TM6SF1: variants seen among roughly 807,000 people sequenced by gnomAD.
TM6SF1 encodes the protein transmembrane 6 superfamily member 1.
A neutral mutation model predicts 47.1 loss-of-function variants in TM6SF1; 43 were observed. The ratio of observed to expected loss-of-function variants is 0.91; its 90% CI spans 0.72 to 1.18. The LOEUF (loss-of-function observed/expected upper bound fraction) is 1.18, where lower values mean the gene tolerates loss of function less well. Among genes scored for constraint, TM6SF1 ranks in the 50% most tolerant of loss-of-function variants. The pLI, the probability that TM6SF1 is intolerant of heterozygous loss-of-function variation, is 0.00. For synonymous variants in TM6SF1, 177 were observed against 166.3 expected, an observed-to-expected ratio of 1.06 and a Z score of -0.49; for missense variants, 390 against 449.0, an observed-to-expected ratio of 0.87 and a Z score of 1.19.
intron 1 of TM6SF1, among the ~76,000 whole-genome samples, chr15:83,111,912 A>AT (rs2034220415): frequency 6.6e-6 from 1 of 152,176 alleles, no homozygotes; most frequent in Admixed American, 6.5e-5. Context: ...TGCAGAATAC[A>AT]TTTTTTTGCT....
intron 7 of TM6SF1, among the ~76,000 whole-genome samples, chr15:83,126,244 C>A (rs1435070004): frequency 6.6e-6 from 1 of 152,100 alleles, no homozygotes; most frequent in African/African-American, 2.4e-5. Context: ...CAGAGGGGAC[C>A]TAGTAAAGTG....
chr15:83,112,135 G>A (rs191151150), intron 1 of TM6SF1, among the ~76,000 whole-genome samples: 28 of 152,250 alleles, frequency 1.8e-4, no homozygotes, highest in African/African-American at 6.7e-4. Flanking sequence ...TCCAGGGGAT[G>A]TACTCAACTA....
At chr15:83,127,147 T>C (rs893963698) in intron 8 of TM6SF1, among the ~76,000 whole-genome samples, 6 of 151,054 alleles carry the variant, frequency 4.0e-5, no homozygotes, top group Non-Finnish European at 7.4e-5. Context: ...TGAGCCGAGA[T>C]TGCGCCACTG....
intron 3 of TM6SF1, among the ~76,000 whole-genome samples, chr15:83,117,719 T>G: frequency 6.6e-6 from 1 of 151,986 alleles, no homozygotes; most frequent in Admixed American, 6.6e-5. Flanking sequence ...CCAGCTGTGA[T>G]AGAGAGGAGA....
intron 9 of TM6SF1, chr15:83,134,018 C>A (rs1381052538): frequency 6.6e-6 from 1 of 152,068 alleles, no homozygotes; most frequent in African/African-American, 2.4e-5. Context: ...AATTTTTGTG[C>A]CTTGTTTAAT....
At chr15:83,111,633 C>T (rs570908970) in intron 1 of TM6SF1, 84 of 985,352 alleles carry the variant, frequency 8.5e-5, no homozygotes, top group Admixed American at 1.8e-4. Flanking sequence ...GTGGAGGGGT[C>T]TCAGTTGAGG....
intron 1 of TM6SF1, among the ~76,000 whole-genome samples, chr15:83,109,083 G>GGCT (rs938449913): frequency 6.4e-4 from 97 of 152,376 alleles, no homozygotes; most frequent in African/African-American, 2.3e-3. Flanking sequence ...AGCCAGAAGA[G>GGCT]GCTGTGGAGG....
At chr15:83,116,040 G>T in intron 3 of TM6SF1, 98 bp downstream of exon 3, 1 of 940,052 alleles carries the variant, frequency 1.1e-6, no homozygotes, top group Admixed American at 2.0e-5. Context: ...GTGTGAACAG[G>T]TACGCTACGC....
Position 83,136,532 on chromosome 15 carries a change from TA to T in TM6SF1, c.974del (p.Tyr325SerfsTer12), listed in dbSNP as rs764193830. ...TCTTCATGCTAGAACTGCTTATGTCTACAGAGTCCCTGAAGAAGCAAAAATC... is the reference window on the plus strand; with the variant it reads ...TCTTCATGCTAGAACTGCTTATGTCTCAGAGTCCCTGAAGAAGCAAAAATC... ...ASLHARTAYV[Y>X]RVPEEAKILF... On this transcript the variant is annotated frameshift_variant, in exon 10 of 10. Transcript: ENST00000322019. LOFTEE classifies it high-confidence loss of function. The T allele has an allele frequency of 6.2e-7, 1 of 1,612,918 alleles. No individual in the cohort carries two copies. The highest frequency in any genetic ancestry group is 1.1e-5 in the South Asian group (1 of 90,678).
chr15:83,111,168 G>A (rs1017111515), intron 1 of TM6SF1, among the ~76,000 whole-genome samples: 3 of 152,076 alleles, frequency 2.0e-5, no homozygotes, highest in Non-Finnish European at 4.4e-5. Context: ...CACTGCGCCC[G>A]GCCTCATTCT....
In TM6SF1 at chr15:83,136,870, GT is replaced by G; in HGVS notation, c.*201del. On this transcript the variant is annotated 3_prime_UTR_variant, in exon 10 of 10. Coordinates refer to ENST00000322019, the MANE Select transcript of TM6SF1 (RefSeq NM_023003.5). ...AATGGAAATTCTTGAGAAACAGTTT[GT>G]TTAAAGAAATATATTCAAAATCATT... is the stretch of plus-strand genomic sequence containing the variant. 2.6e-6 allele frequency: 1 copy of G among 391,660 alleles called. No individual in the cohort carries two copies. The highest frequency in any genetic ancestry group is 4.6e-6 in the Non-Finnish European group (1 of 219,176). The allele number at this position is 391,660 out of a possible 1,614,324, so 24.3% of individuals were successfully genotyped here. A position where few individuals can be genotyped will look rare whatever the true frequency, so the allele number is the denominator to read the frequency against.
Position 83,124,594 on chromosome 15 carries a change from C to T in TM6SF1, c.604-78C>T, listed in dbSNP as rs1298259486. 8.2e-6 allele frequency: 9 copies of T among 1,094,882 alleles called. No homozygotes were observed. In the South Asian group the frequency reaches 1.1e-4, roughly 13 times the overall value. 67.8% of individuals were successfully genotyped at this position (1,094,882 alleles called of 1,614,324 possible). ...TCTTCAAAATTCTCTTATCCATCATCATGACATTTAATGTTTCAGATTTCA... is the reference window on the plus strand; with the variant it reads ...TCTTCAAAATTCTCTTATCCATCATTATGACATTTAATGTTTCAGATTTCA... On this transcript the variant is annotated intron_variant, in intron 6 of 9. Coordinates refer to ENST00000322019, the MANE Select transcript of TM6SF1 (RefSeq NM_023003.5).
At chr15:83,111,760 G>A (rs996249255) in intron 1 of TM6SF1, 2 of 856,736 alleles carry the variant, frequency 2.3e-6, no homozygotes, top group African/African-American at 1.8e-5. Flanking sequence ...GGTGTGAGAG[G>A]GAGAGTATTG....
chr15:83,111,182 C>T (rs2034125278), intron 1 of TM6SF1, among the ~76,000 whole-genome samples: 1 of 152,080 alleles, frequency 6.6e-6, no homozygotes, highest in East Asian at 1.9e-4. Context: ...TCATTCTTAT[C>T]ATAGAATTGA....
intron 2 of TM6SF1, chr15:83,114,078 A>G (rs1183986526): frequency 1.3e-5 from 2 of 152,330 alleles, no homozygotes; most frequent in South Asian, 2.1e-4. Context: ...CAAGGCCCAC[A>G]TGCCTTTTCC....
intron 9 of TM6SF1, chr15:83,132,347 T>C (rs1178589136): frequency 6.6e-6 from 1 of 152,074 alleles, no homozygotes; most frequent in Non-Finnish European, 1.5e-5. Flanking sequence ...AGAAACTGGG[T>C]GAAAGCTTTG....
In TM6SF1 at chr15:83,117,191, GGA is replaced by G. The variant is rs1406450454; in HGVS notation, c.294+1254_294+1255del. Among the ~76,000 whole-genome samples the G allele has an allele frequency of 2.0e-5, 3 of 152,180 alleles. No individual in the cohort carries two copies. The East Asian group carries it at 5.8e-4, about 29-fold the overall frequency. On this transcript the variant is annotated intron_variant, in intron 3 of 9. Transcript: ENST00000322019. Reference sequence around the variant, plus strand: ...GGACCAGGGAGGTAGGGGGAATTCCGGAGAGAAGGGACAGCTTGGGCAAAGGC... The same window carrying G: ...GGACCAGGGAGGTAGGGGGAATTCCGGAGAAGGGACAGCTTGGGCAAAGGC...
intron 9 of TM6SF1, chr15:83,133,754 C>T (rs2036425288): frequency 6.6e-6 from 1 of 152,400 alleles, no homozygotes; most frequent in Admixed American, 6.5e-5. Context: ...CAGGAGAAAA[C>T]CTGCAGCCCT....
chr15:83,124,477 T>C (rs1483462871), intron 6 of TM6SF1, among the ~76,000 whole-genome samples, 195 bp from the exon 7 acceptor site: 2 of 152,166 alleles, frequency 1.3e-5, no homozygotes, highest in African/African-American at 4.8e-5. Context: ...TAGCCCAAAT[T>C]CTTCATTTCA....
Sources: gnomAD v4.1 joint callset for allele counts (sites outside exome capture counted in the v4.1 genomes callset) on GRCh38, gnomAD v4.1.1 for gene constraint, MANE v1.5 for transcripts, NCBI Gene and HGNC (gene_info 2026-07-23, HGNC 2026-07-21) for gene names.